ADAD1: variants seen among roughly 807,000 people sequenced by gnomAD.
The protein encoded by ADAD1 is adenosine deaminase domain containing 1.
ADAD1 carries 46 observed loss-of-function variants against 66.8 expected under a neutral mutation model. The ratio of observed to expected loss-of-function variants is 0.69; its 90% confidence interval spans 0.54 to 0.88. The LOEUF is 0.88. ADAD1 is among the 40% of genes least tolerant of loss of function. The pLI is 0.00. For synonymous variants in ADAD1, 248 were observed against 229.4 expected (o/e 1.08, Z -0.73); for missense variants, 617 against 681.8 (o/e 0.91, Z 1.06).
rs1795706445 is a variant in ADAD1, at chr4:122,396,230, TTA to T, written c.599-20_599-19del. ...AGGAGGAGCACAATGTTCTTGAAAT[TTA>T]TGTTTTGATTTTTTTCTAGAAGGGA... is the stretch of plus-strand genomic sequence containing the variant. On this transcript the variant is annotated intron_variant, in intron 6 of 12. Coordinates refer to ENST00000296513, the MANE Select transcript of ADAD1 (RefSeq NM_139243.4). 1 of 1,549,712 alleles carries T rather than the reference TTA, an allele frequency of 6.5e-7. No individual in the cohort carries two copies.
chr4:122,380,397 G>A, intron 3 of ADAD1, 156 bp downstream of exon 3: 5 of 864,964 alleles, frequency 5.8e-6, no homozygotes, highest in Non-Finnish European at 8.6e-6. Flanking sequence ...AACATTTGGA[G>A]GAGGCCTGTA....
At position 122,416,284 on chromosome 4, in the gene ADAD1, G is replaced by A. The variant is rs188852620; in HGVS notation, c.1487+668G>A. On this transcript the variant is annotated intron_variant, in intron 11 of 12. Transcript: ENST00000296513. Reference sequence around the variant, plus strand: ...TTGTGTGCCTTCTAGACATTTCTTCGTAATGTCTCTGCCATTGATTATTAA... The same window carrying A: ...TTGTGTGCCTTCTAGACATTTCTTCATAATGTCTCTGCCATTGATTATTAA... Among the ~76,000 whole-genome samples the A allele has an allele frequency of 5.3e-5, 8 of 152,206 alleles. No individual in the cohort carries two copies. The East Asian group carries it at 9.6e-4, about 18-fold the overall frequency.
intron 7 of ADAD1, among the ~76,000 whole-genome samples, chr4:122,401,205 T>G (rs887732295): frequency 1.3e-5 from 2 of 152,126 alleles, no homozygotes; most frequent in African/African-American, 2.4e-5. Context: ...TGTGTCACAA[T>G]TATTGTTCAG....
In ADAD1 at chr4:122,407,923, T is replaced by G. The variant is rs779287503; in HGVS notation, c.740T>G (p.Val247Gly). Residue 247 changes from valine (V) to glycine (G), a missense_variant, in exon 8 of 13, where the codon GTT (valine) becomes GGT (glycine). Coordinates refer to ENST00000296513, the MANE Select transcript of ADAD1 (RefSeq NM_139243.4). ...TTTCTTTCAGCTGGACAACATGAGG[T>G]TGTAGCTATAGGCACAGGTGAATAC... ...FIIERAGQHE[V>G]VAIGTGEYNY... The G allele has an allele frequency of 4.5e-5, 73 of 1,613,254 alleles. No individual in the cohort carries two copies. The highest frequency in any genetic ancestry group is 5.8e-5 in the Non-Finnish European group (69 of 1,179,586).
At chr4:122,415,339 T>A in intron 10 of ADAD1, 40 bp from the exon 11 acceptor site, 1 of 1,472,250 alleles carries the variant, frequency 6.8e-7, no homozygotes, top group Non-Finnish European at 9.4e-7. Context: ...TGGGATGTTC[T>A]TTTAATATTG....
At position 122,412,764 on chromosome 4, in the gene ADAD1, C is replaced by T. The variant is rs747940144; in HGVS notation, c.1204C>T (p.Leu402=). The part of the protein sequence containing the change: ...WEVLGVQGAL[L]SHFIQPVYIS... Reference sequence around the variant, plus strand: ...AGTGCTTGGTGTACAGGGAGCATTGCTGAGTCATTTTATACAGCCAGTTTA... The same window carrying T: ...AGTGCTTGGTGTACAGGGAGCATTGTTGAGTCATTTTATACAGCCAGTTTA... The change falls in exon 10 of 13, where the codon CTG becomes TTG. Residue 402 remains leucine, a synonymous_variant. Coordinates refer to ENST00000296513, the MANE Select transcript of ADAD1 (RefSeq NM_139243.4). 1.9e-6 allele frequency: 3 copies of T among 1,613,836 alleles called. No individual in the cohort carries two copies. The South Asian group carries it at 3.3e-5, about 18-fold the overall frequency.
intron 11 of ADAD1, 127 bp downstream of exon 11, chr4:122,415,743 C>T: frequency 1.1e-6 from 1 of 875,588 alleles, no homozygotes; most frequent in South Asian, 1.9e-5. Context: ...TATCATTAGT[C>T]AAGTGTGACT....
intron 10 of ADAD1, among the ~76,000 whole-genome samples, chr4:122,413,430 GA>G (rs952574602): frequency 1.6e-4 from 24 of 151,848 alleles, no homozygotes; most frequent in Admixed American, 3.9e-4. Flanking sequence ...GAGTAATCTG[GA>G]AAAAAATTCT....
intron 7 of ADAD1, among the ~76,000 whole-genome samples, chr4:122,398,713 T>G (rs1171365861): frequency 6.6e-6 from 1 of 152,210 alleles, no homozygotes; most frequent in African/African-American, 2.4e-5. Flanking sequence ...TTGATTTGCA[T>G]TTCCCTAATA....
intron 7 of ADAD1, among the ~76,000 whole-genome samples, chr4:122,398,770 C>A (rs1795831931): frequency 6.6e-6 from 1 of 151,428 alleles, no homozygotes; most frequent in Non-Finnish European, 1.5e-5. Flanking sequence ...CATGTTATAT[C>A]TTCTTTTGAG....
chr4:122,397,547 G>T, intron 7 of ADAD1, among the ~76,000 whole-genome samples: 1 of 152,206 alleles, frequency 6.6e-6, no homozygotes, highest in Non-Finnish European at 1.5e-5. Context: ...TAAGATAAAT[G>T]AATATTTAAA....
intron 11 of ADAD1, 49 bp from the exon 12 acceptor site, chr4:122,421,212 A>G: frequency 1.4e-6 from 2 of 1,410,202 alleles, no homozygotes; most frequent in Non-Finnish European, 1.9e-6. Flanking sequence ...AATTGCCAAC[A>G]TAAATTACTG....
At chr4:122,398,340 G>A (rs1313861068) in intron 7 of ADAD1, among the ~76,000 whole-genome samples, 2 of 151,984 alleles carry the variant, frequency 1.3e-5, no homozygotes, top group Admixed American at 1.3e-4. Flanking sequence ...GTGTGTGTGT[G>A]TGTGTGTCTG....
chr4:122,393,682 T>C, intron 6 of ADAD1, 25 bp downstream of exon 6: 12 of 1,543,446 alleles, frequency 7.8e-6, no homozygotes, highest in Non-Finnish European at 9.7e-6. Context: ...TGTGACGTTC[T>C]TCTTTAGAAG....
intron 5 of ADAD1, among the ~76,000 whole-genome samples, chr4:122,385,465 G>A (rs1248126657): frequency 6.6e-6 from 1 of 152,016 alleles, no homozygotes; most frequent in African/African-American, 2.4e-5. Context: ...TAGAGATGGG[G>A]TTTCACCATG....
intron 11 of ADAD1, among the ~76,000 whole-genome samples, chr4:122,419,579 G>A (rs1796913367): frequency 6.6e-6 from 1 of 152,072 alleles, no homozygotes; most frequent in Non-Finnish European, 1.5e-5. Flanking sequence ...CAAAATTACA[G>A]ACCAAACTCA....
intron 8 of ADAD1, among the ~76,000 whole-genome samples, 185 bp from the exon 9 acceptor site, chr4:122,411,037 C>T (rs961392306): frequency 1.3e-5 from 2 of 152,128 alleles, no homozygotes; most frequent in Non-Finnish European, 2.9e-5. Context: ...GACTGGGCTC[C>T]AGTTGAGAAC....
intron 3 of ADAD1, 136 bp downstream of exon 3, chr4:122,380,377 C>A: frequency 9.7e-7 from 1 of 1,031,494 alleles, no homozygotes; most frequent in Non-Finnish European, 1.4e-6. Flanking sequence ...CTGGAGCTGG[C>A]ATCTGACTCA....
intron 12 of ADAD1, among the ~76,000 whole-genome samples, 199 bp downstream of exon 12, chr4:122,421,589 C>T (rs1410679267): frequency 6.6e-6 from 1 of 151,976 alleles, no homozygotes; most frequent in African/African-American, 2.4e-5. Context: ...TTAAAGTAGC[C>T]ATTTTAGTAT....
Sources: allele counts gnomAD v4.1 joint callset (sites outside exome capture counted in the v4.1 genomes callset), GRCh38; gene constraint gnomAD v4.1.1; transcripts MANE v1.5; gene names NCBI Gene and HGNC (gene_info 2026-07-23, HGNC 2026-07-21).